TGFA: variants seen among roughly 807,000 people sequenced by gnomAD.
TGFA encodes protransforming growth factor alpha.
TGFA carries 12 observed loss-of-function variants against 21.7 expected under a neutral mutation model. The ratio of observed to expected loss-of-function variants is 0.55; its 90% CI spans 0.35 to 0.90. The LOEUF (loss-of-function observed/expected upper bound fraction) is 0.90. Among genes scored for constraint, TGFA ranks in the 40% least tolerant of loss-of-function variants. The pLI, the probability that TGFA is intolerant of heterozygous loss-of-function variation, is 0.01. For missense variants in TGFA, 178 were observed against 210.8 expected (o/e 0.84, Z 0.96); for synonymous variants, 79 against 88.1 (o/e 0.90, Z 0.58).
chr2:70,512,017 G>A (rs75368159), intron 2 of TGFA, among the ~76,000 whole-genome samples: 2,809 of 151,964 alleles, frequency 0.018, 34 homozygotes, highest in Non-Finnish European at 0.027. Flanking sequence ...AGCCCTGTGC[G>A]GTGATGAGAG....
intron 5 of TGFA, chr2:70,451,757 G>T (rs1394712121): frequency 2.8e-6 from 2 of 702,080 alleles, no homozygotes; most frequent in Non-Finnish European, 2.6e-6. Flanking sequence ...TTAGCCCAAG[G>T]TAGCTGAAAG....
chr2:70,465,823 G>T (rs1553492133), intron 2 of TGFA, 87 bp from the exon 3 acceptor site: 2 of 1,566,616 alleles, frequency 1.3e-6, no homozygotes, highest in Non-Finnish European at 1.7e-6. Context: ...CAAGAAGGTG[G>T]AGCCCCTGAT....
rs565732657 is a variant in TGFA at position 70,471,733 on chromosome 2, G to A, written c.95-5997C>T. On this transcript the variant is annotated intron_variant, in intron 2 of 5. Coordinates refer to ENST00000295400, the MANE Select transcript of TGFA (RefSeq NM_003236.4). ...CTTTCCTTACATCATCCGCCAAGTC[G>A]AGGCAGGGTAGGCGGCCTGCTTTAA... 3.3e-5 allele frequency among the ~76,000 whole-genome samples: 5 copies of A among 152,244 alleles called. No homozygotes were observed. The South Asian group carries it at 6.2e-4, about 19-fold the overall frequency.
At chr2:70,533,582 A>G (rs1343067453) in intron 1 of TGFA, among the ~76,000 whole-genome samples, 1 of 151,860 alleles carries the variant, frequency 6.6e-6, no homozygotes, top group African/African-American at 2.4e-5. Flanking sequence ...GAAAACATCA[A>G]CTCTTCCTCC....
At chr2:70,474,969 C>CGTGT (rs57147767) in intron 2 of TGFA, among the ~76,000 whole-genome samples, 24,760 of 147,504 alleles carry the variant, frequency 0.17, 2,140 homozygotes, top group African/African-American at 0.22. Context: ...ACACAGCAGC[C>CGTGT]GTGTGTGTGT....
chr2:70,539,925 C>A (rs1041936988), intron 1 of TGFA, among the ~76,000 whole-genome samples: 4 of 152,200 alleles, frequency 2.6e-5, no homozygotes, highest in Admixed American at 1.3e-4. Context: ...TACACTAGTA[C>A]TCCCATTTGA....
intron 2 of TGFA, among the ~76,000 whole-genome samples, chr2:70,479,902 T>C (rs376961413): frequency 2.0e-5 from 3 of 152,360 alleles, no homozygotes; most frequent in South Asian, 2.1e-4. Flanking sequence ...GAGGCATTAG[T>C]TGAAATTCCT....
At chr2:70,535,096 G>A (rs1254265547) in intron 1 of TGFA, among the ~76,000 whole-genome samples, 1 of 152,086 alleles carries the variant, frequency 6.6e-6, no homozygotes, top group African/African-American at 2.4e-5. Context: ...TGCTAGGTGG[G>A]TTAAAGGAGT....
chr2:70,497,101 A>G (rs1163919767), intron 2 of TGFA, among the ~76,000 whole-genome samples: 1 of 152,226 alleles, frequency 6.6e-6, no homozygotes, highest in African/African-American at 2.4e-5. Flanking sequence ...GAAGGACATG[A>G]TACATCTGGG....
At chr2:70,458,343 C>T (rs1158787738) in intron 3 of TGFA, among the ~76,000 whole-genome samples, 1 of 152,150 alleles carries the variant, frequency 6.6e-6, no homozygotes, top group African/African-American at 2.4e-5. Flanking sequence ...CTCCTGCACC[C>T]AGATGGCTCT....
chr2:70,522,756 AG>A (rs1281459721), intron 1 of TGFA, among the ~76,000 whole-genome samples: 2 of 152,180 alleles, frequency 1.3e-5, no homozygotes, highest in Non-Finnish European at 2.9e-5. Flanking sequence ...CAGGATGTGC[AG>A]GTTTGTTACT....
chr2:70,511,503 A>T (rs782127514), intron 2 of TGFA, among the ~76,000 whole-genome samples: 2 of 152,252 alleles, frequency 1.3e-5, no homozygotes, highest in Non-Finnish European at 2.9e-5. Context: ...GCAAGATACA[A>T]AAACATGAAA....
chr2:70,492,693 A>G (rs1671469533), intron 2 of TGFA, among the ~76,000 whole-genome samples: 1 of 152,202 alleles, frequency 6.6e-6, no homozygotes, highest in South Asian at 2.1e-4. Context: ...GAATTCGTGT[A>G]AAGTAGGGGT....
Position 70,528,096 on chromosome 2 carries a change from T to C in TGFA, c.41-13184A>G, listed in dbSNP as rs78825580. Among the ~76,000 whole-genome samples, 1,356 of 152,328 alleles carry C rather than the reference T, an allele frequency of 8.9e-3. 16 individuals carry two copies. The highest frequency in any genetic ancestry group is 0.031 in the African/African-American group (1,280 of 41,570). ...TTTGCCATCACTATGAATTCTACCCTGCTGAAAACAGAGAGGGCAGAAGCA... is the reference window on the plus strand; with the variant it reads ...TTTGCCATCACTATGAATTCTACCCCGCTGAAAACAGAGAGGGCAGAAGCA... On this transcript the variant is annotated intron_variant, in intron 1 of 5. Coordinates refer to ENST00000295400, the MANE Select transcript of TGFA (RefSeq NM_003236.4).
At chr2:70,494,814 T>C (rs1168179008) in intron 2 of TGFA, among the ~76,000 whole-genome samples, 2 of 152,250 alleles carry the variant, frequency 1.3e-5, no homozygotes, top group African/African-American at 4.8e-5. Context: ...GCTTATTCTC[T>C]TATTGATGTG....
rs370724786 is a variant in TGFA, at chr2:70,456,401, G to A, written c.303C>T (p.Thr101=). The part of the protein sequence containing the change: ...VAASQKKQAI[T]ALVVVSIVAL... ...CCACGATGGAGACCACCACCAAGGC[G>A]GTGATGGCCTGCTTCTTCTGGCTGG... The change falls in exon 4 of 6, where the codon ACC becomes ACT. Residue 101 remains threonine, a synonymous_variant. Transcript: ENST00000295400. The A allele has an allele frequency of 2.1e-5, 33 of 1,588,038 alleles. No individual in the cohort carries two copies. Among genetic ancestry groups the A allele is most frequent in the Non-Finnish European group, 2.6e-5 (30 of 1,167,476 alleles).
intron 3 of TGFA, among the ~76,000 whole-genome samples, chr2:70,460,381 T>A (rs1197877551): frequency 1.1e-5 from 1 of 91,910 alleles, no homozygotes; most frequent in Non-Finnish European, 2.2e-5. Flanking sequence ...CATACTTTTT[T>A]TAAAAAAAAA....
chr2:70,452,790 A>C (rs1328548187), intron 5 of TGFA, among the ~76,000 whole-genome samples: 1 of 152,050 alleles, frequency 6.6e-6, no homozygotes, highest in Non-Finnish European at 1.5e-5. Flanking sequence ...AAAAATACAA[A>C]AATTTTCTGG....
At chr2:70,484,060 A>G (rs1356846810) in intron 2 of TGFA, among the ~76,000 whole-genome samples, 1 of 152,094 alleles carries the variant, frequency 6.6e-6, no homozygotes. Context: ...ATGTGGTTTT[A>G]CCCTGAATTT....
Sources: gnomAD v4.1 joint callset for allele counts (sites outside exome capture counted in the v4.1 genomes callset) on GRCh38, gnomAD v4.1.1 for gene constraint, MANE v1.5 for transcripts, NCBI Gene and HGNC (gene_info 2026-07-23, HGNC 2026-07-21) for gene names.